Variants in HSF5 observed in about 807,000 individuals in gnomAD.
HSF5 encodes the protein heat shock transcription factor 5, also known as heat shock factor protein 5.
A neutral mutation model predicts 50.8 loss-of-function variants in HSF5; 5 were observed. The ratio of observed to expected loss-of-function variants is 0.10; its 90% confidence interval spans 0.05 to 0.21. The LOEUF (loss-of-function observed/expected upper bound fraction) is 0.21, where lower values mean the gene tolerates loss of function less well. Among genes scored for constraint, HSF5 ranks in the 10% least tolerant of loss-of-function variants. The probability of loss-of-function intolerance (pLI) is 1.00; values close to 1 mark genes in which losing one functional copy is unlikely to be tolerated. For synonymous variants in HSF5, 307 were observed against 307.4 expected (o/e 1.00, Z 0.02); for missense variants, 564 against 762.6 (o/e 0.74, Z 3.07).
chr17:58,431,966 T>C (rs1417953476), intron 5 of HSF5, among the ~76,000 whole-genome samples: 2 of 152,300 alleles, frequency 1.3e-5, no homozygotes. Context: ...TTAATGGGTA[T>C]AGAGTTTCAG....
chr17:58,474,269 T>G (rs1474441166), intron 2 of HSF5, among the ~76,000 whole-genome samples: 1 of 152,240 alleles, frequency 6.6e-6, no homozygotes, highest in Non-Finnish European at 1.5e-5. Context: ...CCATTGCAAG[T>G]TTTTTGTATT....
intron 5 of HSF5, among the ~76,000 whole-genome samples, chr17:58,435,272 G>GTTACTCTGAAAAGTAACCA (rs1336663402): frequency 2.0e-5 from 3 of 152,160 alleles, no homozygotes; most frequent in Non-Finnish European, 4.4e-5. Flanking sequence ...ACTAAGGCGG[G>GTTACTCTGAAAAGTAACCA]GTGCAGTAGC....
intron 5 of HSF5, among the ~76,000 whole-genome samples, chr17:58,435,151 A>T (rs1974410162): frequency 6.6e-6 from 1 of 152,194 alleles, no homozygotes; most frequent in Non-Finnish European, 1.5e-5. Context: ...TTGGAAACGG[A>T]GCAGAGAGGA....
intron 5 of HSF5, among the ~76,000 whole-genome samples, chr17:58,452,627 T>C (rs1300186179): frequency 1.3e-5 from 2 of 152,188 alleles, no homozygotes; most frequent in African/African-American, 2.4e-5. Context: ...CTAGGCAACA[T>C]AGCAAGACTT....
intron 5 of HSF5, among the ~76,000 whole-genome samples, chr17:58,450,013 A>C (rs1598188616): frequency 1.8e-5 from 2 of 114,000 alleles, no homozygotes; most frequent in African/African-American, 3.5e-5. Flanking sequence ...ACAGAGCGAG[A>C]CTCCGTCTCA....
chr17:58,438,844 T>C (rs1262510034), intron 5 of HSF5, among the ~76,000 whole-genome samples: 1 of 152,068 alleles, frequency 6.6e-6, no homozygotes, highest in Non-Finnish European at 1.5e-5. Flanking sequence ...AGGCCAGGCA[T>C]GGTGGCTGAC....
At chr17:58,464,975 G>A (rs1974841828) in intron 3 of HSF5, among the ~76,000 whole-genome samples, 1 of 145,408 alleles carries the variant, frequency 6.9e-6, no homozygotes, top group Admixed American at 7.0e-5. Context: ...TCACTGTGTT[G>A]CACAGGCTGG....
At chr17:58,486,902 CTTTTTTTTTTTT>C (rs11351236) in intron 1 of HSF5, among the ~76,000 whole-genome samples, 1 of 79,902 alleles carries the variant, frequency 1.3e-5, no homozygotes, top group African/African-American at 4.8e-5. Context: ...TAAGTTCTCT[CTTTTTTTTTTTT>C]TTTTTTTTTT....
In HSF5 at chr17:58,466,212, C is replaced by T. The variant is rs529709803; in HGVS notation, c.1020+673G>A. Among the ~76,000 whole-genome samples the T allele has an allele frequency of 1.2e-4, 19 of 152,172 alleles. No individual in the cohort carries two copies. The South Asian group carries it at 3.7e-3, about 30-fold the overall frequency. On this transcript the variant is annotated intron_variant, in intron 3 of 5. Transcript: ENST00000323777. Reference sequence around the variant, plus strand: ...AGCATTTTGACTAAGGGATACTGAACCATTATGGTGTTTACAACATAGGGG... The same window carrying T: ...AGCATTTTGACTAAGGGATACTGAATCATTATGGTGTTTACAACATAGGGG...
At chr17:58,447,833 A>AT (rs1363978900) in intron 5 of HSF5, among the ~76,000 whole-genome samples, 1 of 152,184 alleles carries the variant, frequency 6.6e-6, no homozygotes, top group Non-Finnish European at 1.5e-5. Context: ...TAATGCCCAG[A>AT]TATCGACAAA....
intron 5 of HSF5, 111 bp downstream of exon 5, chr17:58,458,657 A>T (rs1974746249): frequency 1.3e-6 from 1 of 769,356 alleles, no homozygotes; most frequent in Non-Finnish European, 2.0e-6. Context: ...GCAATGTGAC[A>T]GGTCTAATAC....
intron 5 of HSF5, among the ~76,000 whole-genome samples, chr17:58,449,427 C>T (rs1200675263): frequency 6.6e-6 from 1 of 152,234 alleles, no homozygotes; most frequent in Non-Finnish European, 1.5e-5. Flanking sequence ...GTGCCGGGCA[C>T]AGTGGCTCAT....
chr17:58,443,699 T>C (rs1358829230), intron 5 of HSF5, among the ~76,000 whole-genome samples: 1 of 152,268 alleles, frequency 6.6e-6, no homozygotes, highest in Non-Finnish European at 1.5e-5. Context: ...CTAGTACGTG[T>C]AACCATAAAG....
intron 5 of HSF5, among the ~76,000 whole-genome samples, chr17:58,434,350 A>G (rs1461098980): frequency 6.6e-6 from 1 of 151,756 alleles, no homozygotes; most frequent in Non-Finnish European, 1.5e-5. Flanking sequence ...GGAAATCGAG[A>G]CCATCCCGGC....
rs1382970876 is a variant in HSF5, at chr17:58,462,980, T to C, written c.1344A>G (p.Gln448=). ...DIMSFVVGTE[Q]AVACSLPQSP... is the part of the protein sequence containing the mutation. ...ACTGTGGTAGAGAGCAGGCAACTGC[T>C]TGTTCTGTTCCAACCACAAAAGACA... The change falls in exon 4 of 6, where the codon CAA becomes CAG. Residue 448 remains glutamine (Q), a synonymous_variant. Coordinates refer to ENST00000323777, the MANE Select transcript of HSF5 (RefSeq NM_001080439.3). 1.2e-6 allele frequency: 2 copies of C among 1,614,140 alleles called. No homozygotes were observed. The highest frequency in any genetic ancestry group is 8.5e-7 in the Non-Finnish European group (1 of 1,180,050).
intron 5 of HSF5, among the ~76,000 whole-genome samples, chr17:58,438,177 T>C (rs553181299): frequency 3.9e-5 from 6 of 152,344 alleles, no homozygotes; most frequent in South Asian, 2.1e-4. Flanking sequence ...TGTAAGATTG[T>C]ACTCTATTTT....
At chr17:58,422,843 G>T (rs531057583) in intron 5 of HSF5, among the ~76,000 whole-genome samples, 4 of 151,830 alleles carry the variant, frequency 2.6e-5, no homozygotes, top group African/African-American at 4.8e-5. Context: ...TTACAGGCAT[G>T]CACCACCACG....
At chr17:58,432,035 A>C (rs1215718494) in intron 5 of HSF5, among the ~76,000 whole-genome samples, 1 of 152,156 alleles carries the variant, frequency 6.6e-6, no homozygotes, top group Non-Finnish European at 1.5e-5. Flanking sequence ...AGTGGCATTA[A>C]CTGAACTGTA....
At chr17:58,471,376 C>T (rs1382178692) in intron 2 of HSF5, among the ~76,000 whole-genome samples, 1 of 152,070 alleles carries the variant, frequency 6.6e-6, no homozygotes, top group African/African-American at 2.4e-5. Flanking sequence ...TGCCTGAGAA[C>T]AAGAGTAACA....
Sources: allele counts gnomAD v4.1 joint callset (sites outside exome capture counted in the v4.1 genomes callset), GRCh38; gene constraint gnomAD v4.1.1; transcripts MANE v1.5; gene names NCBI Gene and HGNC (gene_info 2026-07-23, HGNC 2026-07-21).